CNOT9: variants seen among roughly 807,000 people sequenced by gnomAD.
The protein encoded by CNOT9 is RCD1 required for cell differentiation1 homolog.
In CNOT9, 8 loss-of-function variants were observed where a neutral mutation model predicts 37.4. The observed-to-expected ratio is 0.21, with a 90% confidence interval of 0.13 to 0.39. The LOEUF (loss-of-function observed/expected upper bound fraction) is 0.39. Among genes scored for constraint, CNOT9 ranks in the 10% least tolerant of loss-of-function variants. CNOT9 has a pLI of 1.00. For missense variants in CNOT9, 154 were observed against 365.3 expected (o/e 0.42, Z 4.71); for synonymous variants, 120 against 137.6 (o/e 0.87, Z 0.90).
chr2:218,580,118 A>G lies in CNOT9; in HGVS notation c.25-443A>G, dbSNP rs747521433. On this transcript the variant is annotated intron_variant, in intron 1 of 7. Coordinates refer to ENST00000273064, the MANE Select transcript of CNOT9 (RefSeq NM_005444.3). ...TGAGTAGCTGGGATTACAGGCGCCC[A>G]TCACCACACCCAGCTAAATTTTGTA... 1.8e-4 allele frequency among the ~76,000 whole-genome samples: 27 copies of G among 151,398 alleles called. 1 individual carries two copies. Among genetic ancestry groups the G allele is most frequent in the Admixed American group, 1.3e-4 (2 of 15,198 alleles).
Position 218,592,220 on chromosome 2 carries a change from T to C in CNOT9, c.541-84T>C, listed in dbSNP as rs1694803513. Reference sequence around the variant, plus strand: ...CCTGCTTGCTCAATTTTCTGACTGATAGTCATGCCTGGGAAAATGAGTAGA... The same window carrying C: ...CCTGCTTGCTCAATTTTCTGACTGACAGTCATGCCTGGGAAAATGAGTAGA... On this transcript the variant is annotated intron_variant, in intron 5 of 7. Coordinates refer to ENST00000273064, the MANE Select transcript of CNOT9 (RefSeq NM_005444.3). The surrounding 1 kb of genome is among the most constrained non-coding windows in gnomAD (Gnocchi z 4.1). The C allele has an allele frequency of 5.1e-6, 5 of 971,358 alleles. No individual in the cohort carries two copies. The East Asian group carries it at 1.2e-4, about 23-fold the overall frequency. The allele number at this position is 971,358 out of a possible 1,614,324, so 60.2% of individuals were successfully genotyped here.
At chr2:218,580,245 A>G (rs993005075) in intron 1 of CNOT9, among the ~76,000 whole-genome samples, 1 of 152,142 alleles carries the variant, frequency 6.6e-6, no homozygotes, top group African/African-American at 2.4e-5. Context: ...CTGGGATTAC[A>G]GGGGTGTGCC....
At chr2:218,590,296 T>TA (rs1260984352) in intron 5 of CNOT9, among the ~76,000 whole-genome samples, 1 of 152,240 alleles carries the variant, frequency 6.6e-6, no homozygotes, top group Non-Finnish European at 1.5e-5. Context: ...CTTGAACTCC[T>TA]AAGCTCAGGC....
chr2:218,589,538 G>A (rs1049328666), intron 5 of CNOT9, among the ~76,000 whole-genome samples: 7 of 152,116 alleles, frequency 4.6e-5, no homozygotes, highest in African/African-American at 1.7e-4. Context: ...GTCTCCCTAT[G>A]TTGCCTGGGC....
chr2:218,591,725 A>G (rs1028390843), intron 5 of CNOT9, among the ~76,000 whole-genome samples: 1 of 151,872 alleles, frequency 6.6e-6, no homozygotes, highest in Non-Finnish European at 1.5e-5. Context: ...TCTGGGCGAC[A>G]GAGTGAGACT....
chr2:218,592,578 G>T lies in CNOT9; in HGVS notation c.640-38G>T. The stretch of plus-strand genomic sequence containing the variant: ...ATTAGAATTTGTTTGTGTTTTGTGT[G>T]TTTTTTCCAACCCCTCCCCTTATTT... On this transcript the variant is annotated intron_variant, in intron 6 of 7. Coordinates refer to ENST00000273064, the MANE Select transcript of CNOT9 (RefSeq NM_005444.3). The surrounding 1 kb of genome is among the most constrained non-coding windows in gnomAD (Gnocchi z 4.1). 2 of 1,601,740 alleles carry T rather than the reference G, an allele frequency of 1.2e-6. No homozygotes were observed. Among genetic ancestry groups the T allele is most frequent in the Non-Finnish European group, 8.6e-7 (1 of 1,168,660 alleles).
At chr2:218,587,427 C>T in intron 4 of CNOT9, 159 bp from the exon 5 acceptor site, 1 of 983,150 alleles carries the variant, frequency 1.0e-6, no homozygotes, top group Non-Finnish European at 1.3e-6. Context: ...CGCCCTCTTC[C>T]TTTTTTTTTT....
At chr2:218,593,504 A>G (rs776326046) in intron 7 of CNOT9, 53 of 1,410,626 alleles carry the variant, frequency 3.8e-5, no homozygotes, top group Middle Eastern at 3.6e-4. Context: ...AGCTCTACAC[A>G]TAGTTAACAT....
chr2:218,590,247 T>C (rs894450515), intron 5 of CNOT9, among the ~76,000 whole-genome samples: 1 of 152,210 alleles, frequency 6.6e-6, no homozygotes, highest in Non-Finnish European at 1.5e-5. Flanking sequence ...TTTTGTATTT[T>C]TAGTAGAGAT....
At chr2:218,578,406 A>G (rs60349560) in intron 1 of CNOT9, among the ~76,000 whole-genome samples, 8,422 of 152,242 alleles carry the variant, frequency 0.055, 753 homozygotes, top group African/African-American at 0.19. Flanking sequence ...TTCAAAGTCT[A>G]TTTTATGCTT....
intron 4 of CNOT9, chr2:218,587,369 C>T (rs1405997477): frequency 8.6e-6 from 8 of 925,264 alleles, no homozygotes; most frequent in South Asian, 4.7e-5. Context: ...GTGATCTGCC[C>T]GCCTCGGCCT....
chr2:218,583,532 C>A (rs961896624), intron 3 of CNOT9, among the ~76,000 whole-genome samples: 1 of 152,042 alleles, frequency 6.6e-6, no homozygotes, highest in Non-Finnish European at 1.5e-5. Context: ...TCTGGGCGGC[C>A]TCTATAATAG....
intron 7 of CNOT9, chr2:218,593,220 C>T: frequency 3.5e-6 from 1 of 283,480 alleles, no homozygotes; most frequent in Non-Finnish European, 6.6e-6. Context: ...CTTTGTAAAT[C>T]CATAATTCAT....
At chr2:218,593,376 T>C (rs1001008999) in intron 7 of CNOT9, among the ~76,000 whole-genome samples, 5 of 152,218 alleles carry the variant, frequency 3.3e-5, no homozygotes, top group African/African-American at 1.2e-4. Flanking sequence ...TTGTTGACCA[T>C]TTTATCCTGT....
intron 5 of CNOT9, among the ~76,000 whole-genome samples, chr2:218,589,593 G>A (rs1012784377): frequency 9.9e-5 from 15 of 152,080 alleles, no homozygotes; most frequent in African/African-American, 2.4e-4. Flanking sequence ...GCCTTCTGCC[G>A]TAGTACTAGG....
At position 218,595,460 on chromosome 2, in the gene CNOT9, T is replaced by TA. The variant is rs1330698012; in HGVS notation, c.*1185dup. On this transcript the variant is annotated 3_prime_UTR_variant, in exon 8 of 8. Coordinates refer to ENST00000273064, the MANE Select transcript of CNOT9 (RefSeq NM_005444.3). The stretch of plus-strand genomic sequence containing the variant: ...CCATTCTCTTTTAGTCTATGGGAAT[T>TA]ACAGGGTTGCCGCTAAAATATTCAC... 1 of 124,798 alleles carries TA rather than the reference T, an allele frequency of 8.0e-6. No individual in the cohort carries two copies. The highest frequency in any genetic ancestry group is 1.6e-5 in the Non-Finnish European group (1 of 61,936). 7.7% of individuals were successfully genotyped at this position (124,798 alleles called of 1,614,324 possible).
intron 1 of CNOT9, among the ~76,000 whole-genome samples, chr2:218,575,705 A>G (rs12989709): frequency 0.041 from 6,223 of 152,182 alleles, 165 homozygotes; most frequent in East Asian, 0.12. Flanking sequence ...GCCGGACTTC[A>G]TTTGATTCTT....
chr2:218,583,067 G>T lies in CNOT9; in HGVS notation c.301G>T (p.Ala101Ser). ...CNALALLQCV[A>S]SHPETRSAFL... is the part of the protein sequence containing the mutation. ...TGCTCTGGCATTACTGCAATGTGTA[G>T]CATCACATCCAGAAACCAGGTAAAT... Residue 101 changes from alanine (A) to serine (S), a missense_variant, in exon 3 of 8, where the codon GCA (alanine) becomes TCA (serine). Physicochemically the swap from Ala to Ser is moderately conservative, Grantham distance 99 (BLOSUM62 1). Around this residue, in one of 2 missense-constraint regions of CNOT9, gnomAD observed 117 missense variants for 325.4 expected, o/e 0.36. Transcript: ENST00000273064. 6.2e-7 allele frequency: 1 copy of T among 1,612,784 alleles called. No individual in the cohort carries two copies. The highest frequency in any genetic ancestry group is 8.5e-7 in the Non-Finnish European group (1 of 1,178,900).
chr2:218,587,216 A>C (rs958877167), intron 4 of CNOT9: 2 of 156,654 alleles, frequency 1.3e-5, no homozygotes, highest in Middle Eastern at 3.0e-3. Context: ...TAACCTGTAC[A>C]GGTTCAATTG....
Sources: gnomAD v4.1 joint callset for allele counts (sites outside exome capture counted in the v4.1 genomes callset) on GRCh38, gnomAD v4.1.1 for gene constraint, gnomAD v4.1.1 regional missense constraint, Gnocchi (gnomAD v3.1) non-coding constraint, MANE v1.5 for transcripts, NCBI Gene and HGNC (gene_info 2026-07-23, HGNC 2026-07-21) for gene names.